Variants in CSMD1 observed in about 807,000 individuals in gnomAD.
CSMD1 encodes the protein CUB and Sushi multiple domains 1.
A neutral mutation model predicts 417.5 loss-of-function variants in CSMD1; 213 were observed. The ratio of observed to expected loss-of-function variants is 0.51; its 90% confidence interval spans 0.46 to 0.57. The LOEUF is 0.57. Ranked by LOEUF, CSMD1 falls within the 20% of genes least tolerant of loss-of-function variation. The probability of loss-of-function intolerance (pLI) is 0.00; values close to 1 mark genes in which losing one functional copy is unlikely to be tolerated. For synonymous variants in CSMD1, 2,862 were observed against 1,736.8 expected, an observed-to-expected ratio of 1.65 and a Z score of -16.11; for missense variants, 6,923 against 4,529.7, an observed-to-expected ratio of 1.53 and a Z score of -15.17.
intron 5 of CSMD1, among the ~76,000 whole-genome samples, chr8:3,786,641 C>A (rs1234793370): frequency 6.6e-6 from 1 of 152,136 alleles, no homozygotes; most frequent in Non-Finnish European, 1.5e-5. Flanking sequence ...CATCTTAGTT[C>A]ACTCGAGATG....
At chr8:3,112,842 T>A (rs543251511) in intron 42 of CSMD1, 4 of 152,306 alleles carry the variant, frequency 2.6e-5, no homozygotes, top group Non-Finnish European at 2.9e-5. Flanking sequence ...CAAAATTCTC[T>A]CAAAGCAAAA....
chr8:3,053,041 C>G (rs1207381063), intron 49 of CSMD1, among the ~76,000 whole-genome samples: 1 of 152,164 alleles, frequency 6.6e-6, no homozygotes, highest in Non-Finnish European at 1.5e-5. Flanking sequence ...CTTAGCCTCC[C>G]AAAGTGCTGG....
intron 5 of CSMD1, among the ~76,000 whole-genome samples, chr8:3,803,358 C>G (rs1800562157): frequency 6.6e-6 from 1 of 152,140 alleles, no homozygotes; most frequent in African/African-American, 2.4e-5. Context: ...CAAGACAAGA[C>G]TTGAATGGTA....
Position 3,287,971 on chromosome 8 carries a change from C to T in CSMD1, c.3951-3625G>A, listed in dbSNP as rs527786996. Among the ~76,000 whole-genome samples, 23 of 146,714 alleles carry T rather than the reference C, an allele frequency of 1.6e-4. 1 individual carries two copies. The highest frequency in any genetic ancestry group is 3.4e-3 in the Middle Eastern group (1 of 294). ...AGATAGCTCTTATTATTTTGAGATA[C>T]GTCCCATCAATACCTTATTTATTGA... On this transcript the variant is annotated intron_variant, in intron 25 of 69. Coordinates refer to ENST00000635120, the MANE Select transcript of CSMD1 (RefSeq NM_033225.6).
intron 29 of CSMD1, among the ~76,000 whole-genome samples, chr8:3,218,892 A>T (rs1798040274): frequency 6.6e-6 from 1 of 152,178 alleles, no homozygotes; most frequent in South Asian, 2.1e-4. Context: ...GAAAAAAAAA[A>T]GTTATTTTCA....
At chr8:4,788,573 G>T (rs1043182093) in intron 1 of CSMD1, 2 of 1,328,514 alleles carry the variant, frequency 1.5e-6, no homozygotes, top group Admixed American at 2.2e-5. Flanking sequence ...GAAAATCAGA[G>T]AATGTAATTT....
chr8:4,841,392 C>G (rs533452786), intron 1 of CSMD1, among the ~76,000 whole-genome samples: 7 of 152,160 alleles, frequency 4.6e-5, no homozygotes, highest in Non-Finnish European at 1.0e-4. Context: ...AGGGACCACA[C>G]CTTTTCTGCC....
At chr8:4,540,085 A>G (rs1290249813) in intron 2 of CSMD1, among the ~76,000 whole-genome samples, 2 of 152,118 alleles carry the variant, frequency 1.3e-5, no homozygotes. Flanking sequence ...TTTCAATACG[A>G]TTATCGTGAC....
chr8:3,502,302 T>A (rs527247616), intron 10 of CSMD1, among the ~76,000 whole-genome samples: 1 of 148,000 alleles, frequency 6.8e-6, no homozygotes, highest in Non-Finnish European at 1.5e-5. Flanking sequence ...GAGGAGGAGC[T>A]TGCAGTGAGC....
At chr8:3,726,457 G>C (rs1802503742) in intron 6 of CSMD1, among the ~76,000 whole-genome samples, 2 of 152,220 alleles carry the variant, frequency 1.3e-5, no homozygotes, top group Admixed American at 6.5e-5. Flanking sequence ...AGCAGGTATT[G>C]AATGTGTAGA....
chr8:4,121,641 G>C (rs1432107920), intron 3 of CSMD1, among the ~76,000 whole-genome samples: 1 of 150,590 alleles, frequency 6.6e-6, no homozygotes, highest in South Asian at 2.1e-4. Flanking sequence ...AAAAGAAGTG[G>C]GAATTCTTAG....
rs954630716 is a variant in CSMD1 at position 3,230,820 on chromosome 8, A to T, written c.4154-589T>A. Reference sequence around the variant, plus strand: ...AAAATTCCAAGTTGGACAATATATTATATGGCCACCCTAATATTAACAAAA... The same window carrying T: ...AAAATTCCAAGTTGGACAATATATTTTATGGCCACCCTAATATTAACAAAA... On this transcript the variant is annotated intron_variant, in intron 26 of 69. Transcript: ENST00000635120. 2.0e-5 allele frequency among the ~76,000 whole-genome samples: 3 copies of T among 152,266 alleles called. 1 individual carries two copies. Among genetic ancestry groups the T allele is most frequent in the Admixed American group, 2.0e-4 (3 of 15,292 alleles).
intron 1 of CSMD1, among the ~76,000 whole-genome samples, chr8:4,672,310 A>G (rs1463804248): frequency 3.9e-5 from 6 of 152,188 alleles, no homozygotes; most frequent in South Asian, 2.1e-4. Context: ...CTAGAACTTC[A>G]TTTCTCAACC....
chr8:4,921,273 T>G (rs987855001), intron 1 of CSMD1, among the ~76,000 whole-genome samples: 6 of 152,124 alleles, frequency 3.9e-5, no homozygotes, highest in African/African-American at 1.4e-4. Flanking sequence ...TGTCAGCCAA[T>G]CTGAGTGGGG....
chr8:4,366,474 C>T (rs1389100232), intron 3 of CSMD1, among the ~76,000 whole-genome samples: 6 of 152,106 alleles, frequency 3.9e-5, no homozygotes, highest in Admixed American at 3.9e-4. Context: ...AAATAGTAGT[C>T]CTGTTTTAAG....
chr8:4,481,235 A>G lies in CSMD1; in HGVS notation c.303-61170T>C, dbSNP rs146149535. On this transcript the variant is annotated intron_variant, in intron 2 of 69. Transcript: ENST00000635120. Reference sequence around the variant, plus strand: ...TTCCTATCAGCAGACCTAAGAGTCCAAATTTAGATTTGTACGTGCCCATGC... The same window carrying G: ...TTCCTATCAGCAGACCTAAGAGTCCGAATTTAGATTTGTACGTGCCCATGC... Among the ~76,000 whole-genome samples, 20 of 152,366 alleles carry G rather than the reference A, an allele frequency of 1.3e-4. No individual in the cohort carries two copies. The East Asian group carries it at 3.3e-3, about 25-fold the overall frequency.
At position 4,145,572 on chromosome 8, in the gene CSMD1, G is replaced by A. The variant is rs533107042; in HGVS notation, c.416-113473C>T. Among the ~76,000 whole-genome samples, 147 of 150,964 alleles carry A rather than the reference G, an allele frequency of 9.7e-4. 11 individuals are homozygous for A. The highest frequency in any genetic ancestry group is 3.5e-3 in the African/African-American group (143 of 40,378). On this transcript the variant is annotated intron_variant, in intron 3 of 69. Coordinates refer to ENST00000635120, the MANE Select transcript of CSMD1 (RefSeq NM_033225.6). ...TTATTACATTGTTATTATTTTTTGT[G>A]GAGAGACGGTCTCACCATGTTGCAT...
chr8:4,863,489 T>C (rs1357334352), intron 1 of CSMD1, among the ~76,000 whole-genome samples: 2 of 152,106 alleles, frequency 1.3e-5, no homozygotes, highest in African/African-American at 4.8e-5. Context: ...TCTAGTAACA[T>C]TTAGTTCAGT....
At chr8:4,011,703 A>C (rs1373830137) in intron 4 of CSMD1, among the ~76,000 whole-genome samples, 3 of 152,184 alleles carry the variant, frequency 2.0e-5, no homozygotes, top group Non-Finnish European at 4.4e-5. Context: ...AGTCACAAGA[A>C]CTTGCAAAAT....
Sources: gnomAD v4.1 joint callset for allele counts (sites outside exome capture counted in the v4.1 genomes callset) on GRCh38, gnomAD v4.1.1 for gene constraint, MANE v1.5 for transcripts, NCBI Gene and HGNC (gene_info 2026-07-23, HGNC 2026-07-21) for gene names.